The following ZBTB47 variants were observed in gnomAD, a reference collection of about 807,000 sequenced individuals.
ZBTB47 encodes the protein zinc finger and BTB domain-containing protein 47.
Under a neutral mutation model 56.6 loss-of-function variants are expected in ZBTB47, and 24 were observed. That is an observed-to-expected ratio of 0.42 (90% CI 0.31 to 0.60). The LOEUF (loss-of-function observed/expected upper bound fraction) is 0.60. Ranked by LOEUF, ZBTB47 falls within the 20% of genes least tolerant of loss-of-function variation. ZBTB47 has a pLI of 0.14. For synonymous variants in ZBTB47, 414 were observed against 418.9 expected (o/e 0.99, Z 0.14); for missense variants, 829 against 1,032.6 (o/e 0.80, Z 2.70).
chr3:42,659,361 G>C lies in ZBTB47; in HGVS notation c.1006G>C (p.Gly336Arg). 1.4e-6 allele frequency: 2 copies of C among 1,454,946 alleles called. No individual in the cohort carries two copies. The highest frequency in any genetic ancestry group is 2.5e-5 in the East Asian group (1 of 40,686). 90.1% of individuals were successfully genotyped at this position (1,454,946 alleles called of 1,614,324 possible). A position where few individuals can be genotyped will look rare whatever the true frequency, so the allele number is the denominator to read the frequency against. Residue 336 changes from glycine (G) to arginine (R), a missense_variant, in exon 2 of 6, where the codon GGG becomes CGG. Physicochemically the swap from Gly to Arg is moderately radical, Grantham distance 125. Transcript: ENST00000232974. ...GGAAGAGGAGGAGGAAGAGGAGGAA[G>C]GGCCTAGTGAGCAGGATCAAGAGAG... ...EEEEEEEEEEGPSEQDQESSE... is the reference protein window; with the variant it reads ...EEEEEEEEEERPSEQDQESSE...
Position 42,658,348 on chromosome 3 carries a change from C to T in ZBTB47, c.-8C>T. 1 of 1,529,094 alleles carries T rather than the reference C, an allele frequency of 6.5e-7. No individual in the cohort carries two copies. The highest frequency in any genetic ancestry group is 8.8e-7 in the Non-Finnish European group (1 of 1,142,316). The allele number at this position is 1,529,094 out of a possible 1,614,324, so 94.7% of individuals were successfully genotyped here. On this transcript the variant is annotated 5_prime_UTR_variant, in exon 2 of 6. Transcript: ENST00000232974. ...GTGGAGGACGTGGCGCTGCACTTTG[C>T]CTGCTTGATGGGCCGCCTGAACGAG...
chr3:42,664,171 G>T, intron 5 of ZBTB47, 66 bp from the exon 6 acceptor site: 1 of 1,586,270 alleles, frequency 6.3e-7, no homozygotes, highest in East Asian at 2.3e-5. Flanking sequence ...GGGAGACGGA[G>T]GCTGGCCCCA....
chr3:42,661,928 C>T (rs966374499), intron 3 of ZBTB47, among the ~76,000 whole-genome samples: 8 of 152,248 alleles, frequency 5.3e-5, no homozygotes, highest in Admixed American at 1.3e-4. Flanking sequence ...CATCCTGGCA[C>T]GGGCTCGTGT....
In ZBTB47 at chr3:42,663,169, T is replaced by A; in HGVS notation, c.1737+42T>A. 6.9e-7 allele frequency: 1 copy of A among 1,457,910 alleles called. No homozygotes were observed. The highest frequency in any genetic ancestry group is 9.6e-7 in the Non-Finnish European group (1 of 1,038,548). The allele number at this position is 1,457,910 out of a possible 1,614,324, so 90.3% of individuals were successfully genotyped here. A position where few individuals can be genotyped will look rare whatever the true frequency, so the allele number is the denominator to read the frequency against. ...TGCCTGGCCTGCCCGAGGGGTCACCTGGGAGGGGCAGGAATCAGGGAGCGC... is the reference window on the plus strand; with the variant it reads ...TGCCTGGCCTGCCCGAGGGGTCACCAGGGAGGGGCAGGAATCAGGGAGCGC... On this transcript the variant is annotated intron_variant, in intron 4 of 5. Transcript: ENST00000232974. The surrounding 1 kb of genome is among the most constrained non-coding windows in gnomAD (Gnocchi z 5.1).
chr3:42,655,694 G>A (rs977047178), intron 1 of ZBTB47, among the ~76,000 whole-genome samples: 3 of 152,214 alleles, frequency 2.0e-5, no homozygotes, highest in Non-Finnish European at 4.4e-5. Context: ...GCATTGTGTG[G>A]GAGGGGCCAG....
chr3:42,659,600 C>T lies in ZBTB47; in HGVS notation c.1245C>T (p.Ala415=), dbSNP rs776960226. The change falls in exon 2 of 6, where the codon GCC becomes GCT. Residue 415 remains alanine (A), a synonymous_variant. Coordinates refer to ENST00000232974, the MANE Select transcript of ZBTB47 (RefSeq NM_145166.4). The part of the protein sequence containing the change: ...KPPPGVASAS[A]RGPPATDGLG... ...CCCCTGGAGTGGCCTCTGCATCGGC[C>T]CGAGGGCCGCCAGCCACTGATGGGC... 6.3e-7 allele frequency: 1 copy of T among 1,597,788 alleles called. No homozygotes were observed. The highest frequency in any genetic ancestry group is 8.5e-7 in the Non-Finnish European group (1 of 1,173,068).
chr3:42,662,512 C>T (rs1028090983), intron 3 of ZBTB47, among the ~76,000 whole-genome samples: 4 of 152,204 alleles, frequency 2.6e-5, no homozygotes, highest in Admixed American at 1.3e-4. Flanking sequence ...GGGAGGAGTG[C>T]AGCTAACTTC....
rs1710787829 is a variant in ZBTB47 at position 42,666,295 on chromosome 3, C to T, written c.*1697C>T. Among the ~76,000 whole-genome samples the T allele has an allele frequency of 6.6e-6, 1 of 152,228 alleles. No individual in the cohort carries two copies. Among genetic ancestry groups the T allele is most frequent in the Non-Finnish European group, 1.5e-5 (1 of 68,046 alleles). On this transcript the variant is annotated 3_prime_UTR_variant, in exon 6 of 6. Transcript: ENST00000232974. ...GATGTTGGAGCTGTAGACGTACGCT[C>T]AGGCGCTCCTGCTGTCCTGGGGGAG...
Position 42,659,330 on chromosome 3 carries a change from G to A in ZBTB47, c.975G>A (p.Gln325=), listed in dbSNP as rs72864074. 3,394 of 1,459,004 alleles carry A rather than the reference G, an allele frequency of 2.3e-3. 53 individuals are homozygous for A. In the African/African-American group the frequency reaches 0.042, roughly 18 times the overall value. The allele number at this position is 1,459,004 out of a possible 1,614,324, so 90.4% of individuals were successfully genotyped here. The change falls in exon 2 of 6, where the codon CAG becomes CAA. Residue 325 remains glutamine (Q), a synonymous_variant. Transcript: ENST00000232974. ...AGGAGGAGGACGGGCACAGTGAGCA[G>A]GAAGAGGAAGAGGAGGAGGAAGAGG... The part of the protein sequence containing the change: ...EEEEEDGHSE[Q]EEEEEEEEEE...
intron 3 of ZBTB47, 86 bp from the exon 4 acceptor site, chr3:42,662,926 C>A: frequency 2.2e-6 from 2 of 920,502 alleles, no homozygotes; most frequent in Non-Finnish European, 3.5e-6. Context: ...TGGCACAGGG[C>A]TGCCCCAGGA....
At position 42,658,539 on chromosome 3, in the gene ZBTB47, C is replaced by T; in HGVS notation, c.184C>T (p.Leu62=). The change falls in exon 2 of 6, where the codon CTG becomes TTG. Residue 62 remains leucine (L), a synonymous_variant. Coordinates refer to ENST00000232974, the MANE Select transcript of ZBTB47 (RefSeq NM_145166.4). ...GCGTGTGGAGCTGTCCCTGGAGGCA[C>T]TGGCACCTGGTGGCCTGCAGCAGAT... is the stretch of plus-strand genomic sequence containing the variant. ...LQRVELSLEA[L]APGGLQQILN... is the part of the protein sequence containing the mutation. 6.5e-7 allele frequency: 1 copy of T among 1,537,246 alleles called. No individual in the cohort carries two copies. The highest frequency in any genetic ancestry group is 1.4e-5 in the African/African-American group (1 of 73,190).
chr3:42,667,328 G>T lies in ZBTB47; in HGVS notation c.*2730G>T, dbSNP rs1710801803. ...GGGCTCTCTGGTCTCAGGCCAGCTG[G>T]CGATGGGTGGCTAGAGTGATGAACT... On this transcript the variant is annotated 3_prime_UTR_variant, in exon 6 of 6. Transcript: ENST00000232974. 6.6e-6 allele frequency among the ~76,000 whole-genome samples: 1 copy of T among 152,226 alleles called. No individual in the cohort carries two copies. Among genetic ancestry groups the T allele is most frequent in the Non-Finnish European group, 1.5e-5 (1 of 68,040 alleles).
intron 1 of ZBTB47, among the ~76,000 whole-genome samples, chr3:42,657,941 G>A (rs1007067583): frequency 2.0e-5 from 3 of 152,208 alleles, no homozygotes; most frequent in African/African-American, 7.2e-5. Context: ...GGCAAACCTG[G>A]ATGGTTGGTC....
In ZBTB47 at chr3:42,654,571, A is replaced by G. The variant is rs1710613609; in HGVS notation, c.-82+688A>G. On this transcript the variant is annotated intron_variant, in intron 1 of 5. Coordinates refer to ENST00000232974, the MANE Select transcript of ZBTB47 (RefSeq NM_145166.4). This position sits in a 1 kb window ranked among gnomAD's most constrained non-coding sequence, Gnocchi z 5.0. ...CTGCCTGGCCGCGCCCCCGGGGGCC[A>G]TGGTCGCGGGGCCCTGCGCGGGGGC... The G allele has an allele frequency of 1.8e-6, 1 of 559,492 alleles. No individual in the cohort carries two copies. The highest frequency in any genetic ancestry group is 7.7e-5 in the South Asian group (1 of 13,038). 34.7% of individuals were successfully genotyped at this position (559,492 alleles called of 1,614,324 possible). A position where few individuals can be genotyped will look rare whatever the true frequency, so the allele number is the denominator to read the frequency against.
intron 3 of ZBTB47, among the ~76,000 whole-genome samples, chr3:42,662,346 A>C (rs1710731613): frequency 6.6e-6 from 1 of 152,134 alleles, no homozygotes; most frequent in Non-Finnish European, 1.5e-5. Context: ...GCATGAACTG[A>C]CTGGAAGCTG....
chr3:42,656,301 CAG>C lies in ZBTB47; in HGVS notation c.-81-1972_-81-1971del, dbSNP rs1240817529. 6.6e-6 allele frequency among the ~76,000 whole-genome samples: 1 copy of C among 152,122 alleles called. No homozygotes were observed. Among genetic ancestry groups the C allele is most frequent in the Non-Finnish European group, 1.5e-5 (1 of 68,028 alleles). The stretch of plus-strand genomic sequence containing the variant: ...CTCGCTTTTTAAGTCATTAAAGGCT[CAG>C]AAATCCAGCCATGTGGGGTCTAGCA... On this transcript the variant is annotated intron_variant, in intron 1 of 5. Transcript: ENST00000232974. This position sits in a 1 kb window ranked among gnomAD's most constrained non-coding sequence, Gnocchi z 5.8.
chr3:42,659,210 GGAGGAGGAGGAAGAAGAGGAA>G lies in ZBTB47; in HGVS notation c.861_881del (p.Glu288_Glu294del), dbSNP rs1211919507. The G allele has an allele frequency of 6.6e-7, 1 of 1,526,492 alleles. No individual in the cohort carries two copies. The highest frequency in any genetic ancestry group is 8.8e-7 in the Non-Finnish European group (1 of 1,142,094). 94.6% of individuals were successfully genotyped at this position (1,526,492 alleles called of 1,614,324 possible). ...ACGAGGAGGAGGAGGACGACGAGGA[GGAGGAGGAGGAAGAAGAGGAA>G]GAGGAAGGTGGTGGCAGTGGACGGG... On this transcript the variant is annotated inframe_deletion, in exon 2 of 6. Transcript: ENST00000232974.
Position 42,659,461 on chromosome 3 carries a change from C to A in ZBTB47, c.1106C>A (p.Ala369Glu), listed in dbSNP as rs1162699650. Residue 369 changes from alanine (A) to glutamate (E), a missense_variant, in exon 2 of 6, where the codon GCA (alanine) becomes GAA (glutamate). Around this residue, in one of 6 missense-constraint regions of ZBTB47, gnomAD observed 359 missense variants for 359.8 expected, o/e 1.00. Coordinates refer to ENST00000232974, the MANE Select transcript of ZBTB47 (RefSeq NM_145166.4). ...QGPRGSRSSRADPPPHSHMAT... is the reference protein window; with the variant it reads ...QGPRGSRSSREDPPPHSHMAT... Reference sequence around the variant, plus strand: ...CCACGGGGAAGCCGAAGCAGCCGGGCAGACCCCCCTCCCCACAGTCACATG... The same window carrying A: ...CCACGGGGAAGCCGAAGCAGCCGGGAAGACCCCCCTCCCCACAGTCACATG... 2.0e-6 allele frequency: 3 copies of A among 1,510,284 alleles called. No individual in the cohort carries two copies. Among genetic ancestry groups the A allele is most frequent in the Middle Eastern group, 4.3e-4 (2 of 4,694 alleles). The allele number at this position is 1,510,284 out of a possible 1,614,324, so 93.6% of individuals were successfully genotyped here. A position where few individuals can be genotyped will look rare whatever the true frequency, so the allele number is the denominator to read the frequency against.
Position 42,659,400 on chromosome 3 carries a change from G to A in ZBTB47, c.1045G>A (p.Glu349Lys), listed in dbSNP as rs982321764. Residue 349 changes from glutamate (E) to lysine (K), a missense_variant, in exon 2 of 6, where the codon GAG becomes AAG. Transcript: ENST00000232974. ...EQDQESSEEEEGEEGEAGGKQ... is the reference protein window; with the variant it reads ...EQDQESSEEEKGEEGEAGGKQ... ...GGATCAAGAGAGCTCTGAGGAGGAG[G>A]AGGGGGAGGAGGGGGAGGCTGGGGG... 4 of 1,432,700 alleles carry A rather than the reference G, an allele frequency of 2.8e-6. No individual in the cohort carries two copies. Among genetic ancestry groups the A allele is most frequent in the Non-Finnish European group, 3.6e-6 (4 of 1,096,360 alleles). 88.7% of individuals were successfully genotyped at this position (1,432,700 alleles called of 1,614,324 possible).
Sources: allele counts gnomAD v4.1 joint callset (sites outside exome capture counted in the v4.1 genomes callset), GRCh38; gene constraint gnomAD v4.1.1; regional missense constraint gnomAD v4.1.1; non-coding constraint Gnocchi (gnomAD v3.1); transcripts MANE v1.5; gene names NCBI Gene and HGNC (gene_info 2026-07-23, HGNC 2026-07-21).